Variants in GRIK2 observed in about 807,000 individuals in gnomAD.
GRIK2 encodes glutamate receptor ionotropic, kainate 2.
In GRIK2, 32 loss-of-function variants were observed where a neutral mutation model predicts 100.3. The ratio of observed to expected loss-of-function variants is 0.32; its 90% CI spans 0.24 to 0.43. The LOEUF (loss-of-function observed/expected upper bound fraction) is 0.43, where lower values mean the gene tolerates loss of function less well. Ranked by LOEUF, GRIK2 falls within the 20% of genes least tolerant of loss-of-function variation. The pLI is 1.00. For synonymous variants in GRIK2, 417 were observed against 389.4 expected (o/e 1.07, Z -0.83); for missense variants, 843 against 1,114.9 (o/e 0.76, Z 3.47).
At chr6:101,602,202 T>A (rs1329965559) in intron 2 of GRIK2, among the ~76,000 whole-genome samples, 4 of 151,636 alleles carry the variant, frequency 2.6e-5, no homozygotes, top group African/African-American at 7.2e-5. Flanking sequence ...TGGGAGCAAG[T>A]TGTAGTTATT....
chr6:101,601,120 GTTTT>G (rs34999814), intron 2 of GRIK2, among the ~76,000 whole-genome samples: 9,831 of 140,344 alleles, frequency 0.07, 367 homozygotes, highest in South Asian at 0.086. Flanking sequence ...AGTTTGTTGA[GTTTT>G]TTTTTTTTTT....
At chr6:102,058,789 T>C (rs1389897018) in intron 16 of GRIK2, among the ~76,000 whole-genome samples, 2 of 151,480 alleles carry the variant, frequency 1.3e-5, no homozygotes, top group Non-Finnish European at 3.0e-5. Context: ...TAAATATTTA[T>C]TGATAAATAA....
At chr6:101,444,782 A>G (rs1490170906) in intron 2 of GRIK2, among the ~76,000 whole-genome samples, 1 of 152,072 alleles carries the variant, frequency 6.6e-6, no homozygotes, top group Non-Finnish European at 1.5e-5. Flanking sequence ...TTGCCTCATT[A>G]CTGAATCATG....
intron 5 of GRIK2, among the ~76,000 whole-genome samples, chr6:101,679,871 C>T (rs1051692559): frequency 2.6e-5 from 4 of 151,956 alleles, no homozygotes; most frequent in African/African-American, 7.3e-5. Context: ...CCTGAGTAGC[C>T]GGTATTACAG....
chr6:101,702,806 A>T (rs1486100690), intron 7 of GRIK2, among the ~76,000 whole-genome samples: 2 of 151,884 alleles, frequency 1.3e-5, no homozygotes, highest in African/African-American at 4.8e-5. Context: ...ACAAATATTG[A>T]TCAGAAAAGC....
intron 12 of GRIK2, among the ~76,000 whole-genome samples, chr6:101,893,582 C>A (rs1308245282): frequency 6.6e-6 from 1 of 151,694 alleles, no homozygotes; most frequent in Admixed American, 6.6e-5. Context: ...CCTGCTATAT[C>A]TTCTTAGCTA....
intron 10 of GRIK2, among the ~76,000 whole-genome samples, chr6:101,843,916 A>G (rs754696612): frequency 1.3e-5 from 2 of 152,148 alleles, no homozygotes; most frequent in Non-Finnish European, 2.9e-5. Context: ...TTACTTTTCT[A>G]TCTCTCTCAT....
chr6:101,793,061 G>C (rs1158920325), intron 7 of GRIK2, among the ~76,000 whole-genome samples: 1 of 152,120 alleles, frequency 6.6e-6, no homozygotes, highest in Non-Finnish European at 1.5e-5. Flanking sequence ...ACCTCCGTCA[G>C]CTCCTTTAAG....
Position 101,477,840 on chromosome 6 carries a change from G to A in GRIK2, c.115+78448G>A, listed in dbSNP as rs1772323706. 3.3e-5 allele frequency among the ~76,000 whole-genome samples: 5 copies of A among 152,170 alleles called. No individual in the cohort carries two copies. In the South Asian group the frequency reaches 1.0e-3, roughly 32 times the overall value. ...ATTCCCCTCTTTACTAGTTTAGACT[G>A]TAATTTACATTTATATTGTGAATTG... On this transcript the variant is annotated intron_variant, in intron 2 of 16. Coordinates refer to ENST00000369134, the MANE Select transcript of GRIK2 (RefSeq NM_021956.5).
At chr6:101,674,816 A>C (rs1440231260) in intron 4 of GRIK2, among the ~76,000 whole-genome samples, 1 of 152,186 alleles carries the variant, frequency 6.6e-6, no homozygotes, top group Admixed American at 6.5e-5. Context: ...TATAACTTAC[A>C]GTGAAGCAAC....
At chr6:101,918,090 CA>C (rs576945587) in intron 12 of GRIK2, among the ~76,000 whole-genome samples, 5 of 151,226 alleles carry the variant, frequency 3.3e-5, no homozygotes, top group African/African-American at 4.8e-5. Flanking sequence ...TTAAGTAGAA[CA>C]AAAAAACCAG....
intron 7 of GRIK2, among the ~76,000 whole-genome samples, chr6:101,736,176 C>T (rs187935046): frequency 1.3e-5 from 2 of 152,358 alleles, no homozygotes; most frequent in African/African-American, 4.8e-5. Flanking sequence ...CAGCCTCCCT[C>T]ATGACTGCTT....
chr6:101,599,269 C>A (rs947810640), intron 2 of GRIK2, among the ~76,000 whole-genome samples: 1 of 151,934 alleles, frequency 6.6e-6, no homozygotes, highest in East Asian at 1.9e-4. Flanking sequence ...TTTATGGCTA[C>A]AGATTATTCC....
intron 2 of GRIK2, among the ~76,000 whole-genome samples, chr6:101,444,396 C>T (rs1770250646): frequency 6.6e-6 from 1 of 151,970 alleles, no homozygotes; most frequent in African/African-American, 2.4e-5. Flanking sequence ...ATTTGGTCAA[C>T]ATGTTTTATC....
At chr6:101,785,549 T>A (rs898456860) in intron 7 of GRIK2, among the ~76,000 whole-genome samples, 2 of 152,186 alleles carry the variant, frequency 1.3e-5, no homozygotes, top group African/African-American at 4.8e-5. Flanking sequence ...ATCCAGTTTT[T>A]TTCAGTACCA....
At chr6:101,898,119 A>G (rs1787593353) in intron 12 of GRIK2, among the ~76,000 whole-genome samples, 1 of 151,862 alleles carries the variant, frequency 6.6e-6, no homozygotes, top group South Asian at 2.1e-4. Context: ...TGTTTTTATG[A>G]TATGATTTAA....
At chr6:101,898,128 A>G (rs1787594164) in intron 12 of GRIK2, among the ~76,000 whole-genome samples, 1 of 151,878 alleles carries the variant, frequency 6.6e-6, no homozygotes, top group South Asian at 2.1e-4. Context: ...GATATGATTT[A>G]AGGAATAAAT....
At chr6:101,554,417 A>G (rs1265339516) in intron 2 of GRIK2, among the ~76,000 whole-genome samples, 1 of 152,188 alleles carries the variant, frequency 6.6e-6, no homozygotes, top group Non-Finnish European at 1.5e-5. Flanking sequence ...AATATTTACA[A>G]ATGCTAATTT....
At chr6:102,023,516 G>T (rs1329257845) in intron 14 of GRIK2, among the ~76,000 whole-genome samples, 1 of 151,424 alleles carries the variant, frequency 6.6e-6, no homozygotes, top group Non-Finnish European at 1.5e-5. Context: ...ATTGATTTTT[G>T]AGTGTGTTTC....
Sources: allele counts gnomAD v4.1 joint callset (sites outside exome capture counted in the v4.1 genomes callset), GRCh38; gene constraint gnomAD v4.1.1; transcripts MANE v1.5; gene names NCBI Gene and HGNC (gene_info 2026-07-23, HGNC 2026-07-21).